The following GPM6B variants were observed in gnomAD, a reference collection of about 807,000 sequenced individuals.
GPM6B encodes the protein glycoprotein M6B, also known as neuronal membrane glycoprotein M6-b.
Under a neutral mutation model 27.2 loss-of-function variants are expected in GPM6B, and 4 were observed. That is an observed-to-expected ratio of 0.15 (90% CI 0.07 to 0.34). The LOEUF (loss-of-function observed/expected upper bound fraction) is 0.34, where lower values mean the gene tolerates loss of function less well. Among genes scored for constraint, GPM6B ranks in the 10% least tolerant of loss-of-function variants. GPM6B has a pLI of 1.00. For missense variants in GPM6B, 183 were observed against 261.9 expected (o/e 0.70, Z 2.08); for synonymous variants, 124 against 103.1 (o/e 1.20, Z -1.23).
intron 2 of GPM6B, among the ~76,000 whole-genome samples, chrX:13,793,478 T>C (rs750286947): frequency 2.0e-4 from 22 of 111,778 alleles, no homozygotes; most frequent in African/African-American, 6.5e-4. Context: ...ACTTTCTAAA[T>C]TGATTGAGAC....
At chrX:13,935,345 A>AAC (rs1486826543) in intron 1 of GPM6B, among the ~76,000 whole-genome samples, 2 of 102,816 alleles carry the variant, frequency 1.9e-5, no homozygotes, top group East Asian at 3.0e-4. Context: ...CAAAAAAAAA[A>AAC]AAAAAAAAAA....
intron 1 of GPM6B, among the ~76,000 whole-genome samples, chrX:13,831,497 G>C (rs1196718001): frequency 9.0e-6 from 1 of 110,715 alleles, no homozygotes; most frequent in African/African-American, 3.3e-5. Flanking sequence ...AAGAACATCA[G>C]GTAGGAAGCC....
At chrX:13,795,794 A>C (rs1199124041) in intron 2 of GPM6B, among the ~76,000 whole-genome samples, 1 of 103,387 alleles carries the variant, frequency 9.7e-6, no homozygotes, top group Non-Finnish European at 2.0e-5. Flanking sequence ...TAAAAAACTC[A>C]AAGGCTGGAG....
At chrX:13,790,529 C>A (rs1194408018) in intron 2 of GPM6B, among the ~76,000 whole-genome samples, 2 of 111,461 alleles carry the variant, frequency 1.8e-5, no homozygotes, top group Non-Finnish European at 3.8e-5. Flanking sequence ...TCAACAGTGG[C>A]ATCTTCCCGG....
intron 1 of GPM6B, among the ~76,000 whole-genome samples, chrX:13,861,702 T>C (rs1260409525): frequency 8.9e-6 from 1 of 112,133 alleles, no homozygotes; most frequent in Non-Finnish European, 1.9e-5. Flanking sequence ...GCTCTTAGTC[T>C]TCTAATTAAT....
intron 1 of GPM6B, chrX:13,938,300 C>T (rs938695397): frequency 1.5e-4 from 40 of 272,678 alleles, no homozygotes; most frequent in Non-Finnish European, 2.1e-4. Flanking sequence ...GACCACCCCC[C>T]CCACAGGATA....
At chrX:13,887,159 C>T (rs1356916280) in intron 1 of GPM6B, among the ~76,000 whole-genome samples, 4 of 112,266 alleles carry the variant, frequency 3.6e-5, no homozygotes, top group Non-Finnish European at 1.9e-5. Flanking sequence ...CCATCCTATC[C>T]ATGCCAATCT....
At chrX:13,853,465 G>A (rs6633390) in intron 1 of GPM6B, among the ~76,000 whole-genome samples, 23,599 of 107,687 alleles carry the variant, frequency 0.22, 1,980 homozygotes, top group East Asian at 0.29. Flanking sequence ...TTAGCCAGAC[G>A]TAGTGGTGCA....
intron 1 of GPM6B, among the ~76,000 whole-genome samples, chrX:13,931,437 G>C (rs968856857): frequency 9.2e-6 from 1 of 108,765 alleles, no homozygotes; most frequent in Non-Finnish European, 1.9e-5. Context: ...GCAGTGAGCC[G>C]AGATCGCACC....
intron 7 of GPM6B, 50 bp from the exon 8 acceptor site, chrX:13,773,080 AAGCGAGGC>A: frequency 8.9e-7 from 1 of 1,117,634 alleles, no homozygotes; most frequent in Admixed American, 2.2e-5. Context: ...TGAGAAGGCA[AAGCGAGGC>A]GCTAGTTAGA....
At chrX:13,910,640 GGA>G (rs1449395874) in intron 1 of GPM6B, among the ~76,000 whole-genome samples, 1 of 112,988 alleles carries the variant, frequency 8.9e-6, no homozygotes, top group Non-Finnish European at 1.9e-5. Flanking sequence ...AACAGTGAAG[GGA>G]GAGTCTGCTC....
At chrX:13,803,057 A>G (rs1327218883) in intron 2 of GPM6B, among the ~76,000 whole-genome samples, 1 of 112,044 alleles carries the variant, frequency 8.9e-6, no homozygotes, top group African/African-American at 3.2e-5. Context: ...TGGCCTTACA[A>G]CCTTAGGTTA....
At chrX:13,906,030 CTTCAT>C (rs2050327672) in intron 1 of GPM6B, among the ~76,000 whole-genome samples, 2 of 112,480 alleles carry the variant, frequency 1.8e-5, no homozygotes, top group Admixed American at 9.4e-5. Flanking sequence ...GCTTCATAGA[CTTCAT>C]TTCATTTCTC....
chrX:13,912,694 T>C (rs1161221289), intron 1 of GPM6B, among the ~76,000 whole-genome samples: 1 of 111,952 alleles, frequency 8.9e-6, no homozygotes, highest in Non-Finnish European at 1.9e-5. Flanking sequence ...TTGGGGCACT[T>C]AGCTTAGGGA....
In GPM6B at chrX:13,779,864, G is replaced by C; in HGVS notation, c.651C>G (p.Asn217Lys). 1 of 1,195,321 alleles carries C rather than the reference G, an allele frequency of 8.4e-7. No homozygotes were observed. The highest frequency in any genetic ancestry group is 1.8e-5 in the South Asian group (1 of 55,065). The change falls in exon 5 of 8, where the codon AAC becomes AAG. Residue 217 changes from asparagine (N) to lysine (K), a missense_variant. Coordinates refer to ENST00000316715, the MANE Select transcript of GPM6B (RefSeq NM_001001995.3). ...TCEVIKSPQT[N>K]GTTGVEQICV... ...AGATCTGCTCCACACCCGTGGTCCC[G>C]TTGGTCTGCGGTGACTTGATGACTT...
At chrX:13,926,412 A>T (rs112849872) in intron 1 of GPM6B, among the ~76,000 whole-genome samples, 347 of 20,575 alleles carry the variant, frequency 0.017, 1 homozygote, top group African/African-American at 0.058. Flanking sequence ...TCCATCTCAA[A>T]AAAACAAACA....
At chrX:13,915,934 A>G (rs2050424527) in intron 1 of GPM6B, among the ~76,000 whole-genome samples, 1 of 111,755 alleles carries the variant, frequency 8.9e-6, no homozygotes, top group Non-Finnish European at 1.9e-5. Context: ...TTTGTCCCAA[A>G]TTCAAAACTC....
intron 1 of GPM6B, among the ~76,000 whole-genome samples, chrX:13,846,376 C>T (rs1238639898): frequency 9.1e-6 from 1 of 109,860 alleles, no homozygotes; most frequent in Non-Finnish European, 1.9e-5. Flanking sequence ...AAAAAGGTTG[C>T]TTTATACCCA....
At chrX:13,918,750 C>G (rs1440189035) in intron 1 of GPM6B, among the ~76,000 whole-genome samples, 2 of 111,182 alleles carry the variant, frequency 1.8e-5, no homozygotes, top group Middle Eastern at 4.2e-3. Context: ...AAGCAGGCAC[C>G]TAACATGGCC....
Sources: allele counts gnomAD v4.1 joint callset (sites outside exome capture counted in the v4.1 genomes callset), GRCh38; gene constraint gnomAD v4.1.1; transcripts MANE v1.5; gene names NCBI Gene and HGNC (gene_info 2026-07-23, HGNC 2026-07-21).